Variants in NRG3 observed in about 807,000 individuals in gnomAD.
The protein encoded by NRG3 is neuregulin 3.
Under a neutral mutation model 66.9 loss-of-function variants are expected in NRG3, and 31 were observed. That is an observed-to-expected ratio of 0.46 (90% CI 0.35 to 0.63). The LOEUF (loss-of-function observed/expected upper bound fraction) is 0.63. Ranked by LOEUF, NRG3 falls within the 20% of genes least tolerant of loss-of-function variation. The pLI is 0.00. For synonymous variants in NRG3, 393 were observed against 359.4 expected (o/e 1.09, Z -1.06); for missense variants, 910 against 878.9 (o/e 1.04, Z -0.45).
intron 1 of NRG3, among the ~76,000 whole-genome samples, chr10:82,221,613 A>G (rs1371240232): frequency 6.6e-6 from 1 of 152,250 alleles, no homozygotes; most frequent in Non-Finnish European, 1.5e-5. Context: ...CAGGGTTACA[A>G]AGAGAAAAAG....
chr10:82,763,685 C>T (rs2059410089), intron 3 of NRG3, among the ~76,000 whole-genome samples: 1 of 151,930 alleles, frequency 6.6e-6, no homozygotes. Context: ...AAGTGACTGA[C>T]TTTGAAATCT....
chr10:82,786,063 C>A (rs72831321), intron 3 of NRG3, among the ~76,000 whole-genome samples: 2,053 of 152,214 alleles, frequency 0.013, 31 homozygotes, highest in Non-Finnish European at 0.021. Context: ...CCCCGGAGAG[C>A]CTCCACTGAG....
chr10:82,856,756 C>CAAAAAAAAAAAAAA (rs67224862), intron 3 of NRG3, among the ~76,000 whole-genome samples: 134 of 107,416 alleles, frequency 1.2e-3, no homozygotes, highest in Non-Finnish European at 1.6e-3. Context: ...AAAAAAAAAA[C>CAAAAAAAAAAAAAA]AAAAAAAAAA....
intron 1 of NRG3, among the ~76,000 whole-genome samples, chr10:81,983,550 G>A (rs895435814): frequency 6.6e-6 from 1 of 152,080 alleles, no homozygotes; most frequent in African/African-American, 2.4e-5. Flanking sequence ...TGATATATTG[G>A]TTCTCTTTTT....
intron 3 of NRG3, among the ~76,000 whole-genome samples, chr10:82,756,254 C>G (rs921610769): frequency 1.3e-5 from 2 of 152,086 alleles, no homozygotes; most frequent in Non-Finnish European, 2.9e-5. Flanking sequence ...TTATTCTTTT[C>G]TACTGAACTC....
chr10:82,252,948 G>A (rs773084486), intron 1 of NRG3, among the ~76,000 whole-genome samples: 44 of 151,968 alleles, frequency 2.9e-4, no homozygotes, highest in Non-Finnish European at 5.0e-4. Context: ...AGCCACCTTC[G>A]CTACTGCAAC....
chr10:82,024,810 T>C (rs1356589798), intron 1 of NRG3, among the ~76,000 whole-genome samples: 1 of 152,068 alleles, frequency 6.6e-6, no homozygotes, highest in African/African-American at 2.4e-5. Flanking sequence ...TGTTCAGGAG[T>C]ATACGATTGA....
intron 2 of NRG3, among the ~76,000 whole-genome samples, chr10:82,706,755 A>G (rs2056315722): frequency 2.0e-5 from 3 of 152,116 alleles, no homozygotes; most frequent in African/African-American, 4.8e-5. Context: ...GCACTTTGGG[A>G]GGCTGAGGCA....
In NRG3 at chr10:82,301,686, C is replaced by CTATATATATATATATA. The variant is rs60882154; in HGVS notation, c.824-57047_824-57032dup. ...TATGTATATGTATACACATATATTC[C>CTATATATATATATATA]TATATATATATATATATATATGTAA... On this transcript the variant is annotated intron_variant, in intron 1 of 8. Coordinates refer to ENST00000372141, the MANE Select transcript of NRG3 (RefSeq NM_001010848.4). 8.3e-3 allele frequency among the ~76,000 whole-genome samples: 1,148 copies of CTATATATATATATATA among 137,516 alleles called. 11 individuals are homozygous for CTATATATATATATATA. The highest frequency in any genetic ancestry group is 9.8e-3 in the Non-Finnish European group (617 of 63,016). 90.2% of individuals were successfully genotyped at this position (137,516 alleles called of 152,430 possible). A position where few individuals can be genotyped will look rare whatever the true frequency, so the allele number is the denominator to read the frequency against.
At chr10:82,613,618 A>G (rs1167938468) in intron 2 of NRG3, among the ~76,000 whole-genome samples, 5 of 151,778 alleles carry the variant, frequency 3.3e-5, no homozygotes, top group Admixed American at 1.3e-4. Flanking sequence ...TCCCAAATAG[A>G]TACAGTTGTG....
chr10:82,574,764 C>T (rs1015902359), intron 2 of NRG3, among the ~76,000 whole-genome samples: 6 of 151,594 alleles, frequency 4.0e-5, no homozygotes, highest in Non-Finnish European at 8.9e-5. Flanking sequence ...ATAGATAAAC[C>T]TAAAGTTTAT....
chr10:82,219,790 A>G (rs1318820005), intron 1 of NRG3, among the ~76,000 whole-genome samples: 1 of 152,132 alleles, frequency 6.6e-6, no homozygotes, highest in Middle Eastern at 3.2e-3. Context: ...AATGCATTAA[A>G]ATGACTTTCC....
chr10:81,894,791 ACT>A (rs559536177), intron 1 of NRG3, among the ~76,000 whole-genome samples: 102 of 151,780 alleles, frequency 6.7e-4, no homozygotes, highest in Non-Finnish European at 9.9e-4. Flanking sequence ...TGGAGAAGAG[ACT>A]CTGTTTCCAA....
At chr10:82,216,573 GGTGT>G (rs367590464) in intron 1 of NRG3, among the ~76,000 whole-genome samples, 54 of 119,442 alleles carry the variant, frequency 4.5e-4, no homozygotes, top group Admixed American at 1.5e-3. Context: ...TATATATCTG[GGTGT>G]GTGTGTGTGT....
At chr10:82,698,370 A>G (rs2055566072) in intron 2 of NRG3, among the ~76,000 whole-genome samples, 2 of 152,182 alleles carry the variant, frequency 1.3e-5, no homozygotes, top group South Asian at 2.1e-4. Flanking sequence ...ACAAGACGAT[A>G]TGAGTACCCC....
At chr10:82,864,497 T>C (rs1222710320) in intron 3 of NRG3, among the ~76,000 whole-genome samples, 2 of 152,150 alleles carry the variant, frequency 1.3e-5, no homozygotes, top group African/African-American at 4.8e-5. Flanking sequence ...AATAGTTTTT[T>C]CCCTTATTCT....
chr10:82,586,579 A>T (rs1431841459), intron 2 of NRG3, among the ~76,000 whole-genome samples: 1 of 152,188 alleles, frequency 6.6e-6, no homozygotes, highest in Non-Finnish European at 1.5e-5. Context: ...GGATAATCTA[A>T]TTGGGTTGTT....
intron 1 of NRG3, among the ~76,000 whole-genome samples, chr10:81,999,049 T>C (rs2061059658): frequency 6.6e-6 from 1 of 152,194 alleles, no homozygotes; most frequent in Non-Finnish European, 1.5e-5. Flanking sequence ...GTGATCTGCC[T>C]GCCTCAGCCT....
At chr10:82,471,855 C>A (rs377726063) in intron 2 of NRG3, among the ~76,000 whole-genome samples, 2 of 151,130 alleles carry the variant, frequency 1.3e-5, no homozygotes, top group Non-Finnish European at 2.9e-5. Flanking sequence ...TGCCATTGCA[C>A]TCCAGCCTGG....
Sources: allele counts gnomAD v4.1 joint callset (sites outside exome capture counted in the v4.1 genomes callset), GRCh38; gene constraint gnomAD v4.1.1; transcripts MANE v1.5; gene names NCBI Gene and HGNC (gene_info 2026-07-23, HGNC 2026-07-21).